B4GALNT1: variants seen among roughly 807,000 people sequenced by gnomAD.
The protein encoded by B4GALNT1 is beta-1,4 N-acetylgalactosaminyltransferase 1.
A neutral mutation model predicts 55.2 loss-of-function variants in B4GALNT1; 43 were observed. That is an observed-to-expected ratio of 0.78 (90% CI 0.61 to 1.00). B4GALNT1 has a LOEUF of 1.00. B4GALNT1 is among the 50% of genes least tolerant of loss of function. The pLI, the probability that B4GALNT1 is intolerant of heterozygous loss-of-function variation, is 0.00. For synonymous variants in B4GALNT1, 305 were observed against 311.6 expected (o/e 0.98, Z 0.22); for missense variants, 664 against 729.7 (o/e 0.91, Z 1.04).
intron 10 of B4GALNT1, 40 bp downstream of exon 10, chr12:57,627,578 G>T: frequency 1.3e-6 from 2 of 1,536,934 alleles, no homozygotes; most frequent in South Asian, 1.2e-5. Context: ...GCTCCCCGTG[G>T]GGCTCCTGCC....
Position 57,625,041 on chromosome 12 carries a change from G to A in B4GALNT1, c.*1703C>T. 2.5e-6 allele frequency: 4 copies of A among 1,613,300 alleles called. No individual in the cohort carries two copies. In the East Asian group the frequency reaches 8.9e-5, roughly 36 times the overall value. On this transcript the variant is annotated 3_prime_UTR_variant, in exon 11 of 11. Coordinates refer to ENST00000341156, the MANE Select transcript of B4GALNT1 (RefSeq NM_001478.5). The stretch of plus-strand genomic sequence containing the variant: ...CTCAGGGAGTGGGAGGCAGGTGGGT[G>A]TTCTGAGGGGGATCCTTGTGCTCAA...
In B4GALNT1 at chr12:57,628,757, C is replaced by A. The variant is rs149358222; in HGVS notation, c.958G>T (p.Val320Phe). The A allele has an allele frequency of 6.2e-7, 1 of 1,614,142 alleles. No homozygotes were observed. Among genetic ancestry groups the A allele is most frequent in the Admixed American group, 1.7e-5 (1 of 60,018 alleles). The part of the protein sequence containing the change: ...IADDSDKPER[V>F]SGPYVEHYLM... ...TAGTGTTCCACGTAGGGGCCACTAA[C>A]GCGCTCTGGCTTGTCGCTGTCGTCA... is the stretch of plus-strand genomic sequence containing the variant. The change falls in exon 8 of 11, where the codon GTT becomes TTT. Residue 320 changes from valine (V) to phenylalanine (F), a missense_variant. By Grantham distance (50) the Val-to-Phe change is conservative (BLOSUM62 -1). Transcript: ENST00000341156.
At chr12:57,627,916 C>A in intron 9 of B4GALNT1, 58 bp from the exon 10 acceptor site, 1 of 1,499,644 alleles carries the variant, frequency 6.7e-7, no homozygotes, top group African/African-American at 1.4e-5. Flanking sequence ...CCGAAGGGGT[C>A]AAGGTCTGCG....
At chr12:57,630,089 T>A (rs779889254) in intron 6 of B4GALNT1, 63 bp downstream of exon 6, 5 of 1,613,536 alleles carry the variant, frequency 3.1e-6, no homozygotes, top group Non-Finnish European at 4.2e-6. Context: ...ATTTGCCCAC[T>A]CCAGCCTTTC....
chr12:57,629,690 C>A, intron 6 of B4GALNT1: 2 of 1,264,448 alleles, frequency 1.6e-6, no homozygotes, highest in South Asian at 1.9e-5. Flanking sequence ...GAAGAGCATT[C>A]CAGGCTGAGA....
chr12:57,628,975 C>T (rs1318849212), intron 7 of B4GALNT1, 72 bp from the exon 8 acceptor site: 7 of 1,596,446 alleles, frequency 4.4e-6, no homozygotes, highest in Non-Finnish European at 6.0e-6. Flanking sequence ...ATATCCCCTC[C>T]CAGGACTGCC....
rs1157975626 is a variant in B4GALNT1, at chr12:57,631,121, C to T, written c.384-35G>A. 2.3e-5 allele frequency: 37 copies of T among 1,607,252 alleles called. 1 individual carries two copies. Among genetic ancestry groups the T allele is most frequent in the African/African-American group, 4.0e-5 (3 of 74,850 alleles). ...GAGGAAGGAGAGGACAGAGCAGAGTCGGGGGGAGAGGGTCTCTCCCTCCCG... is the reference window on the plus strand; with the variant it reads ...GAGGAAGGAGAGGACAGAGCAGAGTTGGGGGGAGAGGGTCTCTCCCTCCCG... On this transcript the variant is annotated intron_variant, in intron 3 of 10. Transcript: ENST00000341156.
At chr12:57,629,212 A>C in intron 6 of B4GALNT1, 66 bp from the exon 7 acceptor site, 2 of 1,339,306 alleles carry the variant, frequency 1.5e-6, no homozygotes, top group African/African-American at 1.5e-5. Context: ...CAGCCAATCA[A>C]TATTTAAGTG....
chr12:57,627,674 G>C lies in B4GALNT1; in HGVS notation c.1328C>G (p.Thr443Ser). Residue 443 changes from threonine (T) to serine (S), a missense_variant, in exon 10 of 11, where the codon ACT becomes AGT. By Grantham distance (58) the Thr-to-Ser change is moderately conservative. Transcript: ENST00000341156. ...GAAACCGACCTCGCGCACCTTGTCA[G>C]TCCGCGCCAGGAAGAAGTTAACCAC... Reference protein sequence around the residue: ...DGVVNFFLARTDKVREVGFDP... With the variant: ...DGVVNFFLARSDKVREVGFDP... The C allele has an allele frequency of 6.2e-7, 1 of 1,611,798 alleles. No homozygotes were observed.
In B4GALNT1 at chr12:57,632,117, G is replaced by T. The variant is rs995497759; in HGVS notation, c.16C>A (p.Arg6=). 6 of 1,504,398 alleles carry T rather than the reference G, an allele frequency of 4.0e-6. No homozygotes were observed. The highest frequency in any genetic ancestry group is 5.3e-6 in the Non-Finnish European group (6 of 1,125,556). The allele number at this position is 1,504,398 out of a possible 1,614,324, so 93.2% of individuals were successfully genotyped here. A position where few individuals can be genotyped will look rare whatever the true frequency, so the allele number is the denominator to read the frequency against. The stretch of plus-strand genomic sequence containing the variant: ...AGAAGGACCAGAGCGCACAGGGCCC[G>T]GCGGCCCAGCCACATCCTAGGTGGG... MWLGR[R]ALCALVLLLA... The change falls in exon 2 of 11, where the codon CGG becomes AGG. Residue 6 remains arginine, a synonymous_variant. Coordinates refer to ENST00000341156, the MANE Select transcript of B4GALNT1 (RefSeq NM_001478.5).
chr12:57,629,485 C>T, intron 6 of B4GALNT1: 1 of 315,638 alleles, frequency 3.2e-6, no homozygotes, highest in Non-Finnish European at 5.7e-6. Flanking sequence ...AGTAACTTGC[C>T]ACATTTACAC....
Position 57,626,316 on chromosome 12 carries a change from G to C in B4GALNT1, c.*428C>G, listed in dbSNP as rs1344442673. ...GGGGTGGGGCTGGAGCAGGTACACAGAGTACTGGATCTGAAGATGCAGATG... is the reference window on the plus strand; with the variant it reads ...GGGGTGGGGCTGGAGCAGGTACACACAGTACTGGATCTGAAGATGCAGATG... On this transcript the variant is annotated 3_prime_UTR_variant, in exon 11 of 11. Transcript: ENST00000341156. The C allele has an allele frequency of 4.9e-6, 1 of 203,932 alleles. No homozygotes were observed. The highest frequency in any genetic ancestry group is 1.0e-5 in the Non-Finnish European group (1 of 99,318). 12.6% of individuals were successfully genotyped at this position (203,932 alleles called of 1,614,324 possible). A position where few individuals can be genotyped will look rare whatever the true frequency, so the allele number is the denominator to read the frequency against.
intron 10 of B4GALNT1, among the ~76,000 whole-genome samples, chr12:57,627,224 C>T (rs181247259): frequency 6.6e-6 from 1 of 152,032 alleles, no homozygotes; most frequent in African/African-American, 2.4e-5. Context: ...CGACTGTGGT[C>T]TGAACTAGGG....
Position 57,628,695 on chromosome 12 carries a change from A to G in B4GALNT1, c.1002+18T>C, listed in dbSNP as rs371275752. ...GCGGGAGTCCTCTGGCCTGCCGTTC[A>G]GCCTGCTAGCTGCACACCTTGCCGA... On this transcript the variant is annotated intron_variant, in intron 8 of 10. Coordinates refer to ENST00000341156, the MANE Select transcript of B4GALNT1 (RefSeq NM_001478.5). 8.7e-6 allele frequency: 14 copies of G among 1,613,854 alleles called. No homozygotes were observed. The highest frequency in any genetic ancestry group is 3.3e-5 in the Admixed American group (2 of 60,020).
In B4GALNT1 at chr12:57,626,817, A is replaced by G; in HGVS notation, c.1529T>C (p.Leu510Pro). 1 of 1,614,240 alleles carries G rather than the reference A, an allele frequency of 6.2e-7. No homozygotes were observed. The highest frequency in any genetic ancestry group is 8.5e-7 in the Non-Finnish European group (1 of 1,180,046). The change falls in exon 11 of 11, where the codon CTG becomes CCG. Residue 510 changes from leucine to proline, a missense_variant. Transcript: ENST00000341156. ...GTGTTTGGCCATCTGGCTCTCGTCC[A>G]GTGATCCTGGGTAACGGTACCGGGC... ...TYARYRYPGS[L>P]DESQMAKHRL...
chr12:57,631,220 C>G lies in B4GALNT1; in HGVS notation c.363G>C (p.Glu121Asp). 6.2e-7 allele frequency: 1 copy of G among 1,614,180 alleles called. No individual in the cohort carries two copies. Among genetic ancestry groups the G allele is most frequent in the Non-Finnish European group, 8.5e-7 (1 of 1,180,018 alleles). ...GGTACCTCGACAGAAAGGCCTGGAA[C>G]TCCTGCTCTCTTGTGGCAGAGGCAG... Reference protein sequence around the residue: ...LRAASATREQEFQAFLSRSQS... With the variant: ...LRAASATREQDFQAFLSRSQS... Residue 121 changes from glutamate to aspartate, a missense_variant, in exon 3 of 11, where the codon GAG becomes GAC. By Grantham distance (45) the Glu-to-Asp change is conservative. Coordinates refer to ENST00000341156, the MANE Select transcript of B4GALNT1 (RefSeq NM_001478.5).
rs781534847 is a variant in B4GALNT1, at chr12:57,626,857, C to T, written c.1489G>A (p.Gly497Arg). ...LKLPWTSRDA[G>R]AETYARYRYP... The stretch of plus-strand genomic sequence containing the variant: ...CGGTACCGGGCGTAAGTCTCTGCTC[C>T]GGCATCCCTTGATGTCCAAGGCAGC... Residue 497 changes from glycine (G) to arginine (R), a missense_variant, in exon 11 of 11, where the codon GGA becomes AGA. Gly to Arg is a moderately radical substitution (Grantham distance 125, BLOSUM62 -2). Transcript: ENST00000341156. 11 of 1,614,054 alleles carry T rather than the reference C, an allele frequency of 6.8e-6. No homozygotes were observed. The highest frequency in any genetic ancestry group is 1.7e-5 in the Admixed American group (1 of 60,002).
intron 1 of B4GALNT1, 27 bp from the exon 2 acceptor site, chr12:57,632,160 G>C: frequency 6.8e-7 from 1 of 1,461,598 alleles, no homozygotes; most frequent in Non-Finnish European, 9.3e-7. Context: ...TGGGGAGTGA[G>C]AAAGGGAGGG....
At chr12:57,631,453 G>T in intron 2 of B4GALNT1, 89 bp from the exon 3 acceptor site, 1 of 1,448,874 alleles carries the variant, frequency 6.9e-7, no homozygotes, top group Non-Finnish European at 9.5e-7. Flanking sequence ...CCACACCTTG[G>T]CCCTGCAATT....
Sources: allele counts gnomAD v4.1 joint callset (sites outside exome capture counted in the v4.1 genomes callset), GRCh38; gene constraint gnomAD v4.1.1; transcripts MANE v1.5; gene names NCBI Gene and HGNC (gene_info 2026-07-23, HGNC 2026-07-21).